Variants in VWCE observed in about 807,000 individuals in gnomAD.
VWCE encodes the protein von Willebrand factor C and EGF domains.
Under a neutral mutation model 102.9 loss-of-function variants are expected in VWCE, and 68 were observed. The ratio of observed to expected loss-of-function variants is 0.66; its 90% CI spans 0.54 to 0.81. The LOEUF is 0.81. VWCE is among the 30% of genes least tolerant of loss of function. The pLI is 0.00. For synonymous variants in VWCE, 497 were observed against 515.4 expected (o/e 0.96, Z 0.48); for missense variants, 1,137 against 1,263.6 (o/e 0.90, Z 1.52).
intron 9 of VWCE, among the ~76,000 whole-genome samples, chr11:61,280,275 G>T (rs1442584635): frequency 6.6e-6 from 1 of 152,148 alleles, no homozygotes; most frequent in East Asian, 1.9e-4. Context: ...GAGGCTCAAT[G>T]AATGACTGAA....
chr11:61,276,883 G>A (rs956746356), intron 10 of VWCE, among the ~76,000 whole-genome samples: 6 of 139,022 alleles, frequency 4.3e-5, no homozygotes, highest in African/African-American at 1.1e-4. Context: ...GAGGAGGGAT[G>A]GGGGGAGGGG....
At chr11:61,270,528 C>T (rs1319605660) in intron 14 of VWCE, among the ~76,000 whole-genome samples, 1 of 152,142 alleles carries the variant, frequency 6.6e-6, no homozygotes, top group Non-Finnish European at 1.5e-5. Flanking sequence ...ACTGCAATTA[C>T]TAGTACTTCA....
chr11:61,269,846 A>C (rs1854622279), intron 14 of VWCE, among the ~76,000 whole-genome samples: 1 of 152,144 alleles, frequency 6.6e-6, no homozygotes, highest in Non-Finnish European at 1.5e-5. Flanking sequence ...AATCAGTCAT[A>C]AAGGAGAAGA....
intron 14 of VWCE, among the ~76,000 whole-genome samples, chr11:61,270,825 CTT>C (rs1243630767): frequency 3.9e-4 from 52 of 134,188 alleles, no homozygotes; most frequent in Admixed American, 6.7e-4. Flanking sequence ...GTTACACACA[CTT>C]TTTTTTTTTT....
intron 5 of VWCE, among the ~76,000 whole-genome samples, chr11:61,285,322 A>G (rs1043573550): frequency 6.6e-6 from 1 of 152,188 alleles, no homozygotes; most frequent in Non-Finnish European, 1.5e-5. Flanking sequence ...GGAGGTCACA[A>G]TTATCGGCCT....
chr11:61,261,719 T>C (rs552959162), intron 19 of VWCE, among the ~76,000 whole-genome samples: 7 of 151,628 alleles, frequency 4.6e-5, no homozygotes, highest in Non-Finnish European at 8.8e-5. Flanking sequence ...AGTAGGAGGA[T>C]TGCTTGAGCC....
chr11:61,280,563 G>A (rs1855087407), intron 9 of VWCE, 61 bp downstream of exon 9: 8 of 1,546,746 alleles, frequency 5.2e-6, no homozygotes, highest in Non-Finnish European at 7.1e-6. Context: ...CCTTTTGGCT[G>A]CAGGAGGGTG....
intron 7 of VWCE, 144 bp downstream of exon 7, chr11:61,281,642 G>T: frequency 8.7e-7 from 1 of 1,144,248 alleles, no homozygotes; most frequent in Non-Finnish European, 1.2e-6. Context: ...GCGGGGCCGG[G>T]GTAGGGCGGG....
At chr11:61,280,469 A>T (rs1855083959) in intron 9 of VWCE, among the ~76,000 whole-genome samples, 155 bp downstream of exon 9, 1 of 152,184 alleles carries the variant, frequency 6.6e-6, no homozygotes, top group Non-Finnish European at 1.5e-5. Flanking sequence ...CTACTACATC[A>T]GAAGCTCTGG....
chr11:61,281,665 G>A, intron 7 of VWCE, 121 bp downstream of exon 7: 2 of 1,325,658 alleles, frequency 1.5e-6, no homozygotes, highest in South Asian at 1.6e-5. Context: ...CAGGAGCTGA[G>A]AGGGCGTGGC....
intron 4 of VWCE, among the ~76,000 whole-genome samples, chr11:61,288,155 CAAAAAA>C (rs397978316): frequency 5.4e-5 from 2 of 37,264 alleles, no homozygotes; most frequent in East Asian, 8.7e-4. Context: ...GACTCTGTCT[CAAAAAA>C]AAAAAAAAAA....
In VWCE at chr11:61,258,473, TTCC is replaced by T. The variant is rs1337068973; in HGVS notation, c.*199_*201del. The T allele has an allele frequency of 1.4e-5, 7 of 493,208 alleles. No homozygotes were observed. The South Asian group carries it at 7.7e-4, about 54-fold the overall frequency. The allele number at this position is 493,208 out of a possible 1,614,324, so 30.6% of individuals were successfully genotyped here. On this transcript the variant is annotated 3_prime_UTR_variant, in exon 20 of 20. Transcript: ENST00000335613. ...GGAGGATGCTGACAGTGGAAACGAC[TTCC>T]TCCATTCTTACAGCACATTCCAAAC...
rs1323501986 is a variant in VWCE, at chr11:61,294,892, C to A, written c.110+36G>T. 7 of 1,343,968 alleles carry A rather than the reference C, an allele frequency of 5.2e-6. No homozygotes were observed. In the East Asian group the frequency reaches 2.1e-4, roughly 41 times the overall value. 83.3% of individuals were successfully genotyped at this position (1,343,968 alleles called of 1,614,324 possible). A position where few individuals can be genotyped will look rare whatever the true frequency, so the allele number is the denominator to read the frequency against. On this transcript the variant is annotated intron_variant, in intron 1 of 19. Transcript: ENST00000335613. The surrounding 1 kb of genome is among the most constrained non-coding windows in gnomAD (Gnocchi z 6.3). ...CGACTGCACGCCGGTAGCGCTCTCC[C>A]GGGCGGGGGAGCGGGGAGGAGCTCC...
intron 19 of VWCE, among the ~76,000 whole-genome samples, chr11:61,264,014 A>G (rs1854432673): frequency 6.6e-6 from 1 of 151,948 alleles, no homozygotes; most frequent in Non-Finnish European, 1.5e-5. Flanking sequence ...TCACGAGGTG[A>G]GGAGATCGAG....
intron 19 of VWCE, among the ~76,000 whole-genome samples, chr11:61,261,397 A>C (rs905135205): frequency 6.6e-6 from 1 of 152,096 alleles, no homozygotes; most frequent in Non-Finnish European, 1.5e-5. Flanking sequence ...AAATGTGTGA[A>C]TTGTATGACA....
In VWCE at chr11:61,286,328, C is replaced by T. The variant is rs1331470678; in HGVS notation, c.527G>A (p.Arg176His). 6.2e-6 allele frequency: 10 copies of T among 1,608,606 alleles called. No homozygotes were observed. Among genetic ancestry groups the T allele is most frequent in the South Asian group, 1.1e-5 (1 of 91,092 alleles). The change falls in exon 5 of 20, where the codon CGC (arginine) becomes CAC (histidine). Residue 176 changes from arginine (R) to histidine (H), a missense_variant. Arg to His is a conservative substitution (Grantham distance 29, BLOSUM62 0). Transcript: ENST00000335613. ...CTGCAGCTCACCTTGGCAGCTGTGGCGGTCGGCAGACAGCTGCATGCCCGG... is the reference window on the plus strand; with the variant it reads ...CTGCAGCTCACCTTGGCAGCTGTGGTGGTCGGCAGACAGCTGCATGCCCGG... ...CGPGMQLSAD[R>H]HSCQDTDECL...
chr11:61,263,485 G>C (rs931450240), intron 19 of VWCE, among the ~76,000 whole-genome samples: 1 of 152,170 alleles, frequency 6.6e-6, no homozygotes, highest in African/African-American at 2.4e-5. Flanking sequence ...ACGAAGGCTG[G>C]CAGGGGCGAG....
chr11:61,270,002 C>G (rs1421504433), intron 14 of VWCE, among the ~76,000 whole-genome samples: 3 of 150,980 alleles, frequency 2.0e-5, no homozygotes, highest in Non-Finnish European at 4.4e-5. Context: ...ACTGCAAGCT[C>G]CGCCTCCCGG....
At chr11:61,270,825 CTTT>C (rs1243630767) in intron 14 of VWCE, among the ~76,000 whole-genome samples, 10 of 134,230 alleles carry the variant, frequency 7.4e-5, no homozygotes, top group Admixed American at 3.8e-4. Flanking sequence ...GTTACACACA[CTTT>C]TTTTTTTTTT....
Sources: gnomAD v4.1 joint callset for allele counts (sites outside exome capture counted in the v4.1 genomes callset) on GRCh38, gnomAD v4.1.1 for gene constraint, Gnocchi (gnomAD v3.1) non-coding constraint, MANE v1.5 for transcripts, NCBI Gene and HGNC (gene_info 2026-07-23, HGNC 2026-07-21) for gene names.